Variants in BHMT2 observed in about 807,000 individuals in gnomAD.
BHMT2 encodes S-methylmethionine--homocysteine S-methyltransferase BHMT2.
In BHMT2, 28 loss-of-function variants were observed where a neutral mutation model predicts 39.0. The ratio of observed to expected loss-of-function variants is 0.72; its 90% CI spans 0.53 to 0.98. BHMT2 has a LOEUF of 0.98. BHMT2 is among the 50% of genes least tolerant of loss of function. The probability of loss-of-function intolerance (pLI) is 0.00; values close to 1 mark genes in which losing one functional copy is unlikely to be tolerated. For missense variants in BHMT2, 410 were observed against 455.6 expected, an observed-to-expected ratio of 0.90 and a Z score of 0.91; for synonymous variants, 145 against 160.6, an observed-to-expected ratio of 0.90 and a Z score of 0.74.
intron 7 of BHMT2, among the ~76,000 whole-genome samples, chr5:79,087,954 C>T (rs1490048432): frequency 3.3e-5 from 5 of 152,134 alleles, no homozygotes; most frequent in South Asian, 4.1e-4. Context: ...CCAAGGCAGA[C>T]GGATCACTGG....
intron 7 of BHMT2, among the ~76,000 whole-genome samples, chr5:79,087,014 G>GTGTGCA (rs1329456863): frequency 1.0e-3 from 120 of 118,302 alleles, no homozygotes; most frequent in African/African-American, 3.6e-3. Flanking sequence ...GTGTGTGTGT[G>GTGTGCA]TATATATATA....
intron 5 of BHMT2, 116 bp downstream of exon 5, chr5:79,083,072 T>C: frequency 6.4e-7 from 1 of 1,573,690 alleles, no homozygotes. Context: ...CAATCAGTTT[T>C]CTTATCTGTA....
intron 2 of BHMT2, 122 bp downstream of exon 2, chr5:79,077,734 A>G: frequency 8.1e-7 from 1 of 1,238,902 alleles, no homozygotes; most frequent in South Asian, 1.5e-5. Context: ...TAAGATTGCC[A>G]AGATGTGGAG....
chr5:79,084,041 C>T (rs1218322751), intron 7 of BHMT2, among the ~76,000 whole-genome samples, 185 bp downstream of exon 7: 1 of 152,120 alleles, frequency 6.6e-6, no homozygotes. Flanking sequence ...GCTGTTAGAA[C>T]AATACCATAA....
rs187635668 is a variant in BHMT2 at position 79,084,134 on chromosome 5, A to G, written c.1010+278A>G. On this transcript the variant is annotated intron_variant, in intron 7 of 7. Transcript: ENST00000255192. ...CAAGATCAAGGTGTCAGCAGATTCA[A>G]TTTCTGGTGAAGGCCTTAGAGATGA... 2.1e-3 allele frequency among the ~76,000 whole-genome samples: 325 copies of G among 152,200 alleles called. 1 individual carries two copies. The highest frequency in any genetic ancestry group is 3.0e-3 in the Non-Finnish European group (201 of 68,006).
In BHMT2 at chr5:79,088,358, C is replaced by CTGTGTGTGTGTGTG. The variant is rs202040828; in HGVS notation, c.1011-108_1011-95dup. 1.3e-3 allele frequency: 397 copies of CTGTGTGTGTGTGTG among 304,620 alleles called. 3 individuals are homozygous for CTGTGTGTGTGTGTG. Among genetic ancestry groups the CTGTGTGTGTGTGTG allele is most frequent in the African/African-American group, 8.4e-3 (360 of 42,652 alleles). 18.9% of individuals were successfully genotyped at this position (304,620 alleles called of 1,614,324 possible). ...AGCCTGATTATCCACCAAGTTTTGA[C>CTGTGTGTGTGTGTG]TGTGTGTGTGTGTGTGTGTGTGTGT... On this transcript the variant is annotated intron_variant, in intron 7 of 7. Coordinates refer to ENST00000255192, the MANE Select transcript of BHMT2 (RefSeq NM_017614.5).
rs1230937759 is a variant in BHMT2, at chr5:79,083,342, AG to A, written c.753del (p.Phe252LeufsTer115). On this transcript the variant is annotated frameshift_variant, in exon 6 of 8. Coordinates refer to ENST00000255192, the MANE Select transcript of BHMT2 (RefSeq NM_017614.5). LOFTEE classifies it high-confidence loss of function. Reference sequence around the variant, plus strand: ...TTCCACGCGCCTGACTGTGGCAAAGAGGGGTTTGTGGATCTCCCAGAATATC... The same window carrying A: ...TTCCACGCGCCTGACTGTGGCAAAGAGGGTTTGTGGATCTCCCAGAATATC... ...LGFHAPDCGK[E>X]GFVDLPEYPF... 6.2e-7 allele frequency: 1 copy of A among 1,607,802 alleles called. No homozygotes were observed. The highest frequency in any genetic ancestry group is 2.2e-5 in the East Asian group (1 of 44,724).
Position 79,079,396 on chromosome 5 carries a change from G to C in BHMT2, c.194G>C (p.Arg65Thr), listed in dbSNP as rs1561240690. The part of the protein sequence containing the change: ...AVRQLHMEFL[R>T]AGSNVMQTFT... ...CGTCAACTTCACATGGAATTCTTGA[G>C]AGCAGGATCAAATGTCATGCAGACT... is the stretch of plus-strand genomic sequence containing the variant. Residue 65 changes from arginine to threonine, a missense_variant, in exon 3 of 8, where the codon AGA (arginine) becomes ACA (threonine). By Grantham distance (71) the Arg-to-Thr change is moderately conservative. Transcript: ENST00000255192. 1 of 1,613,664 alleles carries C rather than the reference G, an allele frequency of 6.2e-7. No individual in the cohort carries two copies. Among genetic ancestry groups the C allele is most frequent in the Non-Finnish European group, 8.5e-7 (1 of 1,179,830 alleles).
chr5:79,085,058 A>G (rs1173044401), intron 7 of BHMT2, among the ~76,000 whole-genome samples: 2 of 152,084 alleles, frequency 1.3e-5, no homozygotes, highest in Admixed American at 1.3e-4. Context: ...ATACTTTACT[A>G]TCATCAAGGT....
At chr5:79,083,557 C>A in intron 6 of BHMT2, 71 bp from the exon 7 acceptor site, 1 of 1,553,886 alleles carries the variant, frequency 6.4e-7, no homozygotes, top group South Asian at 1.2e-5. Context: ...ATTGGAAAAA[C>A]TGCTCATTAG....
chr5:79,073,249 C>T (rs1482258580), intron 1 of BHMT2, among the ~76,000 whole-genome samples: 1 of 152,188 alleles, frequency 6.6e-6, no homozygotes, highest in Non-Finnish European at 1.5e-5. Flanking sequence ...CAGGCGTGAG[C>T]CACCGCGCCT....
Position 79,089,840 on chromosome 5 carries a change from A to T in BHMT2, c.*1266A>T, listed in dbSNP as rs757611402. 1.7e-4 allele frequency among the ~76,000 whole-genome samples: 26 copies of T among 152,018 alleles called. No individual in the cohort carries two copies. Among genetic ancestry groups the T allele is most frequent in the Non-Finnish European group, 2.6e-4 (18 of 67,978 alleles). Reference sequence around the variant, plus strand: ...AAAAATTATCCAGGCATGGTGGTGCATGCCTGTAATCCCAGCTACTTGGAG... The same window carrying T: ...AAAAATTATCCAGGCATGGTGGTGCTTGCCTGTAATCCCAGCTACTTGGAG... On this transcript the variant is annotated 3_prime_UTR_variant, in exon 8 of 8. Transcript: ENST00000255192.
intron 7 of BHMT2, among the ~76,000 whole-genome samples, chr5:79,084,595 G>A (rs1369894230): frequency 6.6e-6 from 1 of 152,108 alleles, no homozygotes. Flanking sequence ...GCATCCTCAT[G>A]ACCCAATCAC....
intron 1 of BHMT2, among the ~76,000 whole-genome samples, chr5:79,072,599 G>T (rs1378288543): frequency 6.6e-6 from 1 of 152,176 alleles, no homozygotes; most frequent in Non-Finnish European, 1.5e-5. Flanking sequence ...TATGTCACCT[G>T]CCCCCAAGCC....
chr5:79,082,964 G>T lies in BHMT2; in HGVS notation c.598+8G>T. On this transcript the variant is annotated splice_region_variant and intron_variant, in intron 5 of 7. Transcript: ENST00000255192. ...TGAGGCTGGTGAAGGCAGGTAATTT[G>T]GACCCATACCGTGATACACAGCTCA... 1 of 1,613,982 alleles carries T rather than the reference G, an allele frequency of 6.2e-7. No homozygotes were observed.
chr5:79,070,927 G>A (rs936819475), intron 1 of BHMT2, among the ~76,000 whole-genome samples: 1 of 152,154 alleles, frequency 6.6e-6, no homozygotes, highest in African/African-American at 2.4e-5. Flanking sequence ...GCATGTTTTA[G>A]GATATTTTTT....
intron 5 of BHMT2, 77 bp from the exon 6 acceptor site, chr5:79,083,115 C>G: frequency 6.3e-7 from 1 of 1,591,208 alleles, no homozygotes; most frequent in East Asian, 2.3e-5. Flanking sequence ...TGGCTAACCT[C>G]TAAGGTACCT....
chr5:79,078,592 G>T (rs1310060677), intron 2 of BHMT2, among the ~76,000 whole-genome samples: 1 of 152,186 alleles, frequency 6.6e-6, no homozygotes, highest in Non-Finnish European at 1.5e-5. Flanking sequence ...TCTGTTTCAT[G>T]GGGGCACAAC....
At chr5:79,075,454 G>A (rs553914310) in intron 1 of BHMT2, among the ~76,000 whole-genome samples, 30 of 152,174 alleles carry the variant, frequency 2.0e-4, no homozygotes, top group Admixed American at 7.2e-4. Flanking sequence ...GGAACTGAGG[G>A]GGTTTATGTT....
Sources: gnomAD v4.1 joint callset for allele counts (sites outside exome capture counted in the v4.1 genomes callset) on GRCh38, gnomAD v4.1.1 for gene constraint, MANE v1.5 for transcripts, NCBI Gene and HGNC (gene_info 2026-07-23, HGNC 2026-07-21) for gene names.